Variants in RRBP1 observed in about 807,000 individuals in gnomAD.
RRBP1 encodes the protein ribosome-binding protein 1.
RRBP1 carries 94 observed loss-of-function variants against 165.2 expected under a neutral mutation model. That is an observed-to-expected ratio of 0.57 (90% CI 0.48 to 0.68). RRBP1 has a LOEUF of 0.68. RRBP1 is among the 30% of genes least tolerant of loss of function. RRBP1 has a pLI of 0.00. For missense variants in RRBP1, 1,676 were observed against 1,763.0 expected, an observed-to-expected ratio of 0.95 and a Z score of 0.88; for synonymous variants, 680 against 714.5, an observed-to-expected ratio of 0.95 and a Z score of 0.77.
rs778203070 is a variant in RRBP1, at chr20:17,660,192, C to A, written c.316G>T (p.Ala106Ser). Reference protein sequence around the residue: ...LREPVRAPAVAVAPTPVQPPI... With the variant: ...LREPVRAPAVSVAPTPVQPPI... Reference sequence around the variant, plus strand: ...GGCTGCACTGGGGTTGGAGCCACAGCCACAGCAGGAGCCCGCACTGGTTCT... The same window carrying A: ...GGCTGCACTGGGGTTGGAGCCACAGACACAGCAGGAGCCCGCACTGGTTCT... The change falls in exon 3 of 25, where the codon GCT becomes TCT. Residue 106 changes from alanine to serine, a missense_variant. Physicochemically the swap from Ala to Ser is moderately conservative, Grantham distance 99. This residue lies in a region of RRBP1 where 392 missense variants were observed against 382.5 expected (regional missense o/e 1.02). Transcript: ENST00000377813. 4 of 1,613,982 alleles carry A rather than the reference C, an allele frequency of 2.5e-6. No individual in the cohort carries two copies. Among genetic ancestry groups the A allele is most frequent in the African/African-American group, 1.3e-5 (1 of 74,932 alleles).
chr20:17,659,566 C>T lies in RRBP1; in HGVS notation c.942G>A (p.Gly314=). ...GAQNQGKKAE[G]AQNQGKKGEG... is the part of the protein sequence containing the mutation. ...CTCCCTTTTTGCCCTGATTCTGGGC[C>T]CCCTCTGCCTTTTTGCCCTGGTTCT... is the stretch of plus-strand genomic sequence containing the variant. The change falls in exon 3 of 25, where the codon GGG becomes GGA. Residue 314 remains glycine, a synonymous_variant. Transcript: ENST00000377813. 6.5e-7 allele frequency: 1 copy of T among 1,542,572 alleles called. No homozygotes were observed. The highest frequency in any genetic ancestry group is 8.7e-7 in the Non-Finnish European group (1 of 1,144,510).
rs543047388 is a variant in RRBP1, at chr20:17,621,239, C to T, written c.3414+219G>A. ...CCTTCCCCTTCCCCAGCTTAGAGAC[C>T]GGCCCCGAACCTTCAACTTGGCCTT... On this transcript the variant is annotated intron_variant, in intron 16 of 24. Coordinates refer to ENST00000377813, the MANE Select transcript of RRBP1 (RefSeq NM_001365613.2). Among the ~76,000 whole-genome samples the T allele has an allele frequency of 1.3e-4, 20 of 152,292 alleles. No homozygotes were observed. The South Asian group carries it at 2.9e-3, about 22-fold the overall frequency.
At chr20:17,619,605 G>A in intron 19 of RRBP1, 28 bp downstream of exon 19, 2 of 1,551,858 alleles carry the variant, frequency 1.3e-6, no homozygotes, top group Non-Finnish European at 1.8e-6. Flanking sequence ...GCTGGGCAGG[G>A]GCTGCACTCC....
intron 3 of RRBP1, among the ~76,000 whole-genome samples, chr20:17,648,424 G>A (rs560487261): frequency 6.6e-6 from 1 of 152,386 alleles, no homozygotes; most frequent in Admixed American, 6.5e-5. Flanking sequence ...GCCCAGCTCA[G>A]GCCACAGAGC....
In RRBP1 at chr20:17,640,791, T is replaced by G. The variant is rs372876208; in HGVS notation, c.2184+1006A>C. The stretch of plus-strand genomic sequence containing the variant: ...CCTGCCCATCCCCCACCCAGTGAAC[T>G]TCCCATCTGGCTCAGAGCCGTGACC... On this transcript the variant is annotated intron_variant, in intron 5 of 24. Coordinates refer to ENST00000377813, the MANE Select transcript of RRBP1 (RefSeq NM_001365613.2). 1.6e-4 allele frequency among the ~76,000 whole-genome samples: 25 copies of G among 152,260 alleles called. No homozygotes were observed. In the South Asian group the frequency reaches 2.3e-3, roughly 14 times the overall value.
rs1328616253 is a variant in RRBP1, at chr20:17,614,223, G to A, written c.4195-3C>T. 1.2e-6 allele frequency: 2 copies of A among 1,613,362 alleles called. No homozygotes were observed. Among genetic ancestry groups the A allele is most frequent in the Non-Finnish European group, 8.5e-7 (1 of 1,179,948 alleles). Reference sequence around the variant, plus strand: ...TCCTTTGAGCTGCTGCCGTCCTCCTGTGAACGAAGGCAGGTGGCGTGAGGG... The same window carrying A: ...TCCTTTGAGCTGCTGCCGTCCTCCTATGAACGAAGGCAGGTGGCGTGAGGG... On this transcript the variant is annotated splice_region_variant and splice_polypyrimidine_tract_variant and intron_variant, in intron 24 of 24. Transcript: ENST00000377813.
Position 17,618,095 on chromosome 20 carries a change from G to A in RRBP1, c.3759+501C>T, listed in dbSNP as rs557602140. On this transcript the variant is annotated intron_variant, in intron 20 of 24. Coordinates refer to ENST00000377813, the MANE Select transcript of RRBP1 (RefSeq NM_001365613.2). ...CCCGGCAGCTGGTATGGGGCCGGGC[G>A]TGGAGCAGGTCTTCCCTGCATGCCT... Among the ~76,000 whole-genome samples the A allele has an allele frequency of 7.6e-4, 116 of 152,352 alleles. 1 individual carries two copies. In the South Asian group the frequency reaches 0.01, roughly 14 times the overall value.
Position 17,658,483 on chromosome 20 carries a change from G to A in RRBP1, c.1912+113C>T, listed in dbSNP as rs528492196. The stretch of plus-strand genomic sequence containing the variant: ...GAATTTTTTTTTGAATGTTTGTTAC[G>A]CAGCCTTATTATGACAATAGCTGAC... On this transcript the variant is annotated intron_variant, in intron 3 of 24. Coordinates refer to ENST00000377813, the MANE Select transcript of RRBP1 (RefSeq NM_001365613.2). 44 of 857,596 alleles carry A rather than the reference G, an allele frequency of 5.1e-5. No individual in the cohort carries two copies. In the East Asian group the frequency reaches 5.9e-4, roughly 11 times the overall value. 53.1% of individuals were successfully genotyped at this position (857,596 alleles called of 1,614,324 possible).
chr20:17,675,714 C>G (rs1166674401), intron 2 of RRBP1, among the ~76,000 whole-genome samples: 1 of 152,210 alleles, frequency 6.6e-6, no homozygotes, highest in Non-Finnish European at 1.5e-5. Context: ...GGAACAGAGG[C>G]CACCGTGGCT....
intron 5 of RRBP1, among the ~76,000 whole-genome samples, chr20:17,640,375 C>T (rs925451749): frequency 6.6e-6 from 1 of 152,178 alleles, no homozygotes; most frequent in Non-Finnish European, 1.5e-5. Context: ...CCAGAGGAGT[C>T]ACGAAAGGGC....
chr20:17,615,986 T>C lies in RRBP1; in HGVS notation c.3891A>G (p.Thr1297=), dbSNP rs777888946. Residue 1297 remains threonine, a synonymous_variant, in exon 22 of 25, where the codon ACA becomes ACG. Coordinates refer to ENST00000377813, the MANE Select transcript of RRBP1 (RefSeq NM_001365613.2). ...PVQLKTQLEW[T]EAILEDEQTQ... ...TCTGCTCATCCTCCAGGATGGCTTC[T>C]GTCCACTCCAGCTGCGTCTTCAGCT... 8 of 1,608,064 alleles carry C rather than the reference T, an allele frequency of 5.0e-6. No individual in the cohort carries two copies. In the South Asian group the frequency reaches 5.5e-5, roughly 11 times the overall value.
intron 2 of RRBP1, among the ~76,000 whole-genome samples, chr20:17,665,874 T>C (rs1340010357): frequency 1.3e-5 from 2 of 152,178 alleles, no homozygotes; most frequent in Non-Finnish European, 2.9e-5. Context: ...AGGAATTTAC[T>C]TTGGTATGTG....
At position 17,634,003 on chromosome 20, in the gene RRBP1, C is replaced by T. The variant is rs570809820; in HGVS notation, c.2457-390G>A. ...AGCAGCCCACGGAGTCCACGCGCCC[C>T]CTCACTGGCCAGCTGGACCAGGGCC... On this transcript the variant is annotated intron_variant, in intron 7 of 24. Transcript: ENST00000377813. Among the ~76,000 whole-genome samples the T allele has an allele frequency of 2.1e-3, 321 of 152,350 alleles. 1 individual carries two copies. Among genetic ancestry groups the T allele is most frequent in the African/African-American group, 7.5e-3 (312 of 41,582 alleles).
At chr20:17,624,898 C>T (rs10211783) in intron 12 of RRBP1, among the ~76,000 whole-genome samples, 2,559 of 152,286 alleles carry the variant, frequency 0.017, 69 homozygotes, top group African/African-American at 0.059. Flanking sequence ...GAAGAGGTGG[C>T]GCCCTTTCGA....
At chr20:17,632,274 G>C (rs915198973) in intron 8 of RRBP1, among the ~76,000 whole-genome samples, 1 of 152,172 alleles carries the variant, frequency 6.6e-6, no homozygotes, top group African/African-American at 2.4e-5. Context: ...GAGAGGACAG[G>C]AGATACTGGG....
chr20:17,661,258 A>C (rs963479512), intron 2 of RRBP1, among the ~76,000 whole-genome samples: 2 of 152,232 alleles, frequency 1.3e-5, no homozygotes, highest in Non-Finnish European at 2.9e-5. Context: ...ACGTGTTCAA[A>C]AATTCAGTGA....
At chr20:17,635,749 GC>G in intron 6 of RRBP1, 85 bp from the exon 7 acceptor site, 1 of 1,003,442 alleles carries the variant, frequency 1.0e-6, no homozygotes, top group Non-Finnish European at 1.5e-6. Context: ...TGAAGACACA[GC>G]CCACAAAAGA....
At chr20:17,652,977 G>C (rs117966325) in intron 3 of RRBP1, among the ~76,000 whole-genome samples, 5 of 152,170 alleles carry the variant, frequency 3.3e-5, no homozygotes, top group Admixed American at 6.5e-5. Context: ...TCATACCCTC[G>C]GGCACCACAG....
chr20:17,681,143 C>G (rs1388731337), intron 1 of RRBP1, among the ~76,000 whole-genome samples: 1 of 150,742 alleles, frequency 6.6e-6, no homozygotes, highest in African/African-American at 2.4e-5. Context: ...TTGGCCGGCC[C>G]GGAGGTGTCC....
Sources: allele counts gnomAD v4.1 joint callset (sites outside exome capture counted in the v4.1 genomes callset), GRCh38; gene constraint gnomAD v4.1.1; regional missense constraint gnomAD v4.1.1; transcripts MANE v1.5; gene names NCBI Gene and HGNC (gene_info 2026-07-23, HGNC 2026-07-21).